Variants in PAH observed in about 807,000 individuals in gnomAD.
PAH encodes the protein phenylalanine-4-hydroxylase.
Under a neutral mutation model 62.0 loss-of-function variants are expected in PAH, and 64 were observed. The ratio of observed to expected loss-of-function variants is 1.03; its 90% CI spans 0.84 to 1.27. The LOEUF is 1.27. Ranked by LOEUF, PAH falls within the 50% of genes most tolerant of loss-of-function variation. PAH has a pLI of 0.00. For synonymous variants in PAH, 195 were observed against 196.2 expected (o/e 0.99, Z 0.05); for missense variants, 579 against 542.8 (o/e 1.07, Z -0.66).
intron 5 of PAH, among the ~76,000 whole-genome samples, chr12:102,859,167 C>T (rs1875592080): frequency 1.3e-5 from 2 of 152,142 alleles, no homozygotes. Context: ...CACAGAAATA[C>T]AAACTACCAT....
intron 1 of PAH, among the ~76,000 whole-genome samples, chr12:102,937,591 T>C (rs898598501): frequency 6.6e-6 from 1 of 152,274 alleles, no homozygotes; most frequent in Non-Finnish European, 1.5e-5. Flanking sequence ...TAACTTTTTA[T>C]TATTTCTATT....
intron 1 of PAH, among the ~76,000 whole-genome samples, chr12:102,936,503 A>G (rs1192145996): frequency 6.6e-6 from 1 of 152,144 alleles, no homozygotes; most frequent in East Asian, 1.9e-4. Flanking sequence ...CTATTATTGT[A>G]TGGGAATCTA....
intron 1 of PAH, among the ~76,000 whole-genome samples, chr12:102,915,371 C>A (rs887354799): frequency 2.0e-5 from 3 of 152,102 alleles, no homozygotes; most frequent in Non-Finnish European, 4.4e-5. Flanking sequence ...AAACTTAGAG[C>A]CAAAGGGAGA....
At chr12:102,938,837 G>A (rs992641848) in intron 1 of PAH, among the ~76,000 whole-genome samples, 2 of 152,148 alleles carry the variant, frequency 1.3e-5, no homozygotes, top group Non-Finnish European at 2.9e-5. Context: ...CCTTGCCCCT[G>A]CTACACTGCA....
intron 1 of PAH, among the ~76,000 whole-genome samples, chr12:102,941,077 T>G (rs557605180): frequency 2.9e-4 from 44 of 151,970 alleles, no homozygotes; most frequent in Non-Finnish European, 5.0e-4. Flanking sequence ...CCAACTAAAC[T>G]TCAAAAGTAA....
intron 5 of PAH, among the ~76,000 whole-genome samples, chr12:102,861,687 T>C (rs1875725555): frequency 6.6e-6 from 1 of 152,086 alleles, no homozygotes; most frequent in Admixed American, 6.5e-5. Context: ...TATAGGGACA[T>C]GGGTGAAACT....
chr12:102,935,052 T>G (rs1185328832), intron 1 of PAH, among the ~76,000 whole-genome samples: 1 of 152,102 alleles, frequency 6.6e-6, no homozygotes, highest in Non-Finnish European at 1.5e-5. Context: ...TGGCTTTTAT[T>G]GTGTTGAGGT....
At chr12:102,866,271 C>A (rs1158329810) in intron 5 of PAH, among the ~76,000 whole-genome samples, 1 of 152,140 alleles carries the variant, frequency 6.6e-6, no homozygotes, top group African/African-American at 2.4e-5. Context: ...AGACCGGAGG[C>A]TGTTTTATTC....
intron 2 of PAH, among the ~76,000 whole-genome samples, chr12:102,897,177 T>C (rs1877539577): frequency 6.6e-6 from 1 of 152,186 alleles, no homozygotes; most frequent in South Asian, 2.1e-4. Context: ...AGAAAGTCTA[T>C]ACTCATCTCT....
At chr12:102,926,425 T>G in intron 1 of PAH, among the ~76,000 whole-genome samples, 1 of 151,188 alleles carries the variant, frequency 6.6e-6, no homozygotes, top group Non-Finnish European at 1.5e-5. Context: ...GGGGGGCGGG[T>G]AAAGAGAGTG....
intron 4 of PAH, among the ~76,000 whole-genome samples, chr12:102,867,689 G>T (rs1186387819): frequency 6.6e-6 from 1 of 151,944 alleles, no homozygotes; most frequent in Non-Finnish European, 1.5e-5. Flanking sequence ...AAAAGCTTAT[G>T]TCACAGAGTG....
chr12:102,875,595 C>A (rs565816706), intron 4 of PAH, among the ~76,000 whole-genome samples: 2 of 152,254 alleles, frequency 1.3e-5, no homozygotes, highest in East Asian at 3.9e-4. Flanking sequence ...CCTGGAGCAA[C>A]CTTGGCGCCC....
In PAH at chr12:102,861,814, C is replaced by CGT. The variant is rs1309968398; in HGVS notation, c.509+4781_509+4782insAC. Among the ~76,000 whole-genome samples the CGT allele has an allele frequency of 1.9e-4, 29 of 152,144 alleles. No homozygotes were observed. The East Asian group carries it at 4.4e-3, about 23-fold the overall frequency. ...CTTGGACACAGGAAGGGGAACATCA[C>CGT]ACACGGGCCTGTTGTGGGGTTGGGG... On this transcript the variant is annotated intron_variant, in intron 5 of 12. Transcript: ENST00000553106.
chr12:102,894,667 G>T lies in PAH; in HGVS notation c.352+68C>A, dbSNP rs969887134. The stretch of plus-strand genomic sequence containing the variant: ...TATATTTAAATATGCTGTTAAATAT[G>T]TATATTGCTGTTATTTTATGAAGAC... On this transcript the variant is annotated intron_variant, in intron 3 of 12. Coordinates refer to ENST00000553106, the MANE Select transcript of PAH (RefSeq NM_000277.3). The T allele has an allele frequency of 3.3e-5, 39 of 1,168,168 alleles. No individual in the cohort carries two copies. In the Middle Eastern group the frequency reaches 7.9e-4, roughly 24 times the overall value. 72.4% of individuals were successfully genotyped at this position (1,168,168 alleles called of 1,614,324 possible).
intron 1 of PAH, among the ~76,000 whole-genome samples, chr12:102,933,033 T>A (rs1274358546): frequency 6.6e-6 from 1 of 152,228 alleles, no homozygotes; most frequent in Admixed American, 6.5e-5. Context: ...TATCATTGAC[T>A]ATAGTCACTC....
At chr12:102,891,083 C>CA (rs1013384916) in intron 3 of PAH, among the ~76,000 whole-genome samples, 2 of 151,706 alleles carry the variant, frequency 1.3e-5, no homozygotes, top group Non-Finnish European at 2.9e-5. Flanking sequence ...GGCTCCATCT[C>CA]AAAAAAAGGA....
chr12:102,893,427 A>G (rs139498167), intron 3 of PAH, among the ~76,000 whole-genome samples: 1 of 151,804 alleles, frequency 6.6e-6, no homozygotes, highest in East Asian at 1.9e-4. Context: ...AATAAAAAAT[A>G]AAATAAAAAG....
At chr12:102,956,519 G>T (rs1020801338) in intron 1 of PAH, among the ~76,000 whole-genome samples, 2 of 151,984 alleles carry the variant, frequency 1.3e-5, no homozygotes, top group African/African-American at 4.8e-5. Flanking sequence ...CCGGGCACAC[G>T]CCTGGGGCGG....
intron 2 of PAH, among the ~76,000 whole-genome samples, chr12:102,911,102 C>A: frequency 6.6e-6 from 1 of 152,122 alleles, no homozygotes; most frequent in Non-Finnish European, 1.5e-5. Flanking sequence ...AGATGGATTT[C>A]CCCATCCTTG....
Sources: allele counts gnomAD v4.1 joint callset (sites outside exome capture counted in the v4.1 genomes callset), GRCh38; gene constraint gnomAD v4.1.1; transcripts MANE v1.5; gene names NCBI Gene and HGNC (gene_info 2026-07-23, HGNC 2026-07-21).